The following CPD variants were observed in gnomAD, a reference collection of about 807,000 sequenced individuals.
CPD encodes carboxypeptidase D.
CPD carries 69 observed loss-of-function variants against 138.3 expected under a neutral mutation model. The observed-to-expected ratio is 0.50, with a 90% confidence interval of 0.41 to 0.61. The LOEUF (loss-of-function observed/expected upper bound fraction) is 0.61. Among genes scored for constraint, CPD ranks in the 20% least tolerant of loss-of-function variants. The pLI is 0.00. For synonymous variants in CPD, 651 were observed against 642.1 expected (o/e 1.01, Z -0.21); for missense variants, 1,432 against 1,733.3 (o/e 0.83, Z 3.09).
intron 17 of CPD, among the ~76,000 whole-genome samples, chr17:30,458,865 C>A (rs1202184830): frequency 8.2e-5 from 11 of 134,006 alleles, no homozygotes; most frequent in South Asian, 2.4e-4. Flanking sequence ...GACCCTGTCT[C>A]AAAAAAAAAA....
intron 8 of CPD, among the ~76,000 whole-genome samples, chr17:30,433,792 CA>C (rs1422116947): frequency 6.6e-6 from 1 of 152,208 alleles, no homozygotes; most frequent in Non-Finnish European, 1.5e-5. Context: ...GATCACTTTG[CA>C]TTGAACTCAA....
intron 7 of CPD, 32 bp downstream of exon 7, chr17:30,427,590 C>A: frequency 1.3e-6 from 2 of 1,585,720 alleles, no homozygotes; most frequent in Non-Finnish European, 1.7e-6. Context: ...CTAATCAGTT[C>A]TTGTTGAGAG....
chr17:30,445,231 G>C (rs1463388300), intron 11 of CPD, among the ~76,000 whole-genome samples: 1 of 152,206 alleles, frequency 6.6e-6, no homozygotes, highest in African/African-American at 2.4e-5. Flanking sequence ...TTGGGAGGCA[G>C]AGGCAGGTGG....
chr17:30,391,018 CAG>C (rs1911341457), intron 2 of CPD, among the ~76,000 whole-genome samples: 1 of 151,682 alleles, frequency 6.6e-6, no homozygotes, highest in South Asian at 2.1e-4. Flanking sequence ...TTAGTAGAAA[CAG>C]GGTTTTACCA....
intron 6 of CPD, among the ~76,000 whole-genome samples, chr17:30,426,149 A>G (rs1344574561): frequency 1.3e-5 from 2 of 150,974 alleles, no homozygotes; most frequent in African/African-American, 4.9e-5. Flanking sequence ...GCAGTAAGCC[A>G]AGATTGTGCC....
rs779990628 is a variant in CPD at position 30,451,703 on chromosome 17, T to C, written c.3070-8T>C. ...CTAGTAACTCGTTAATTTCTGTTTG[T>C]GCTTCAGTTGGTTGACAGGACTAGG... On this transcript the variant is annotated splice_polypyrimidine_tract_variant and splice_region_variant and intron_variant, in intron 13 of 20. Coordinates refer to ENST00000225719, the MANE Select transcript of CPD (RefSeq NM_001304.5). 7.4e-6 allele frequency: 12 copies of C among 1,611,706 alleles called. No homozygotes were observed. Among genetic ancestry groups the C allele is most frequent in the African/African-American group, 1.3e-5 (1 of 74,868 alleles).
At chr17:30,423,821 A>T in intron 6 of CPD, 124 bp downstream of exon 6, 1 of 713,882 alleles carries the variant, frequency 1.4e-6, no homozygotes, top group Non-Finnish European at 2.1e-6. Context: ...TTAATTTATG[A>T]TTGATTTTAG....
intron 2 of CPD, among the ~76,000 whole-genome samples, chr17:30,406,321 G>C (rs1911800418): frequency 6.6e-6 from 1 of 152,012 alleles, no homozygotes; most frequent in Non-Finnish European, 1.5e-5. Flanking sequence ...TTTAGTAATT[G>C]TTTGTAGAGA....
intron 8 of CPD, among the ~76,000 whole-genome samples, chr17:30,435,592 C>T (rs1912678188): frequency 1.3e-5 from 2 of 152,068 alleles, no homozygotes; most frequent in South Asian, 4.1e-4. Flanking sequence ...TGATTTGGTC[C>T]TCCTCTAGAT....
chr17:30,414,131 T>C (rs1223005417), intron 2 of CPD, among the ~76,000 whole-genome samples: 1 of 152,242 alleles, frequency 6.6e-6, no homozygotes, highest in African/African-American at 2.4e-5. Context: ...GAAAAGACTT[T>C]GGCTTTTAGT....
At chr17:30,380,356 C>A in intron 1 of CPD, 2 of 557,948 alleles carry the variant, frequency 3.6e-6, no homozygotes, top group Non-Finnish European at 4.9e-6. Flanking sequence ...GCCTATTTGA[C>A]AGAAGCTGAT....
intron 2 of CPD, among the ~76,000 whole-genome samples, chr17:30,412,289 C>T (rs565681512): frequency 5.3e-5 from 8 of 152,276 alleles, no homozygotes; most frequent in Admixed American, 1.3e-4. Flanking sequence ...AGGTGTCTGT[C>T]GGCCCCTACT....
chr17:30,446,141 G>T, intron 12 of CPD, 121 bp downstream of exon 12: 10 of 689,182 alleles, frequency 1.5e-5, no homozygotes, highest in South Asian at 6.6e-5. Flanking sequence ...GAGAGTTGGA[G>T]TTTACTTATT....
chr17:30,392,720 A>C (rs2143325651), intron 2 of CPD, among the ~76,000 whole-genome samples: 2 of 152,330 alleles, frequency 1.3e-5, no homozygotes, highest in Non-Finnish European at 2.9e-5. Flanking sequence ...GGAACAAAAC[A>C]CCTTACAAGT....
intron 13 of CPD, among the ~76,000 whole-genome samples, 173 bp downstream of exon 13, chr17:30,449,921 A>G (rs888816869): frequency 7.2e-5 from 11 of 152,220 alleles, no homozygotes; most frequent in Non-Finnish European, 1.3e-4. Context: ...ACCCTTTGTT[A>G]ATAGTGTCTT....
At chr17:30,380,119 A>C in intron 1 of CPD, 1 of 184,414 alleles carries the variant, frequency 5.4e-6, no homozygotes, top group Non-Finnish European at 1.1e-5. Context: ...CGCTGTGCTA[A>C]TTTTTTCTGT....
chr17:30,428,950 T>A (rs1232853971), intron 7 of CPD, among the ~76,000 whole-genome samples: 2 of 152,116 alleles, frequency 1.3e-5, no homozygotes, highest in Non-Finnish European at 2.9e-5. Context: ...CAACATTTAC[T>A]GGAATATCCA....
chr17:30,460,689 C>T (rs932216262), intron 17 of CPD, among the ~76,000 whole-genome samples: 4 of 151,974 alleles, frequency 2.6e-5, no homozygotes, highest in Admixed American at 2.0e-4. Flanking sequence ...GTTTTTGAAC[C>T]TGTCTGCACA....
intron 3 of CPD, 100 bp from the exon 4 acceptor site, chr17:30,421,564 C>G: frequency 3.1e-6 from 3 of 968,296 alleles, no homozygotes; most frequent in Non-Finnish European, 4.8e-6. Flanking sequence ...AGAGAAGAGT[C>G]ACTTTATTTT....
Sources: allele counts gnomAD v4.1 joint callset (sites outside exome capture counted in the v4.1 genomes callset), GRCh38; gene constraint gnomAD v4.1.1; transcripts MANE v1.5; gene names NCBI Gene and HGNC (gene_info 2026-07-23, HGNC 2026-07-21).